The following EME2 variants were observed in gnomAD, a reference collection of about 807,000 sequenced individuals.
EME2 encodes the protein essential meiotic structure-specific endonuclease subunit 2.
Under a neutral mutation model 41.9 loss-of-function variants are expected in EME2, and 58 were observed. The observed-to-expected ratio is 1.38, with a 90% CI of 1.12 to 1.72. EME2 has a LOEUF of 1.72. EME2 is among the 40% of genes most tolerant of loss of function. EME2 has a pLI of 0.00. For synonymous variants in EME2, 334 were observed against 239.3 expected (o/e 1.40, Z -3.65); for missense variants, 695 against 541.9 (o/e 1.28, Z -2.81).
intron 3 of EME2, 104 bp from the exon 4 acceptor site, chr16:1,774,937 T>A: frequency 1.1e-6 from 1 of 893,564 alleles, no homozygotes; most frequent in Non-Finnish European, 1.8e-6. Flanking sequence ...CACCACTGGC[T>A]CTTTTTCAGG....
chr16:1,781,500 A>G lies in EME2; in HGVS notation c.*5262A>G, dbSNP rs772495491. ...TCTGGCCATGGTGGAAAGAATCTAG[A>G]AGAAAACACAGGCTCTGGGCAAAGG... On this transcript the variant is annotated 3_prime_UTR_variant, in exon 8 of 8. Coordinates refer to ENST00000568449, the MANE Select transcript of EME2 (RefSeq NM_001257370.2). 2 of 1,610,474 alleles carry G rather than the reference A, an allele frequency of 1.2e-6. No individual in the cohort carries two copies. The highest frequency in any genetic ancestry group is 1.1e-5 in the South Asian group (1 of 90,964).
In EME2 at chr16:1,776,049, T is replaced by A; in HGVS notation, c.970-19T>A. ...AGCCCCGTCCCCAGGCGCCCTCTCA[T>A]GCCTTTGCCTGCTCCTAGGCGCTGG... On this transcript the variant is annotated intron_variant, in intron 7 of 7. Coordinates refer to ENST00000568449, the MANE Select transcript of EME2 (RefSeq NM_001257370.2). 1 of 1,605,984 alleles carries A rather than the reference T, an allele frequency of 6.2e-7. No homozygotes were observed. The highest frequency in any genetic ancestry group is 8.5e-7 in the Non-Finnish European group (1 of 1,176,934).
At position 1,773,009 on chromosome 16, in the gene EME2, G is replaced by A; in HGVS notation, c.-219G>A. Reference sequence around the variant, plus strand: ...AGAACGGCCGCGTCAAGGTCTCGTAGTCCACCGCGTAGAGCTGGGAGTCGC... The same window carrying A: ...AGAACGGCCGCGTCAAGGTCTCGTAATCCACCGCGTAGAGCTGGGAGTCGC... On this transcript the variant is annotated 5_prime_UTR_variant, in exon 1 of 8. Coordinates refer to ENST00000568449, the MANE Select transcript of EME2 (RefSeq NM_001257370.2). 3 of 1,457,962 alleles carry A rather than the reference G, an allele frequency of 2.1e-6. No homozygotes were observed. Among genetic ancestry groups the A allele is most frequent in the Middle Eastern group, 1.8e-4 (1 of 5,624 alleles). The allele number at this position is 1,457,962 out of a possible 1,614,324, so 90.3% of individuals were successfully genotyped here.
Position 1,778,650 on chromosome 16 carries a change from G to A in EME2, c.*2412G>A, listed in dbSNP as rs201852854. 6.8e-5 allele frequency: 104 copies of A among 1,519,088 alleles called. No homozygotes were observed. In the East Asian group the frequency reaches 7.7e-4, roughly 11 times the overall value. The allele number at this position is 1,519,088 out of a possible 1,614,324, so 94.1% of individuals were successfully genotyped here. ...GGCCGGCTGTTACTACCTGTTGCCC[G>A]CTCTCTACCCTCTCACCCTTGCCCT... is the stretch of plus-strand genomic sequence containing the variant. On this transcript the variant is annotated 3_prime_UTR_variant, in exon 8 of 8. Transcript: ENST00000568449.
chr16:1,774,463 G>A (rs1465068041), intron 3 of EME2, 111 bp downstream of exon 3: 15 of 875,482 alleles, frequency 1.7e-5, no homozygotes, highest in Non-Finnish European at 2.4e-5. Context: ...GAGGGGGCAT[G>A]GGGCAGGCCA....
Position 1,777,235 on chromosome 16 carries a change from G to T in EME2, c.*997G>T. On this transcript the variant is annotated 3_prime_UTR_variant, in exon 8 of 8. Transcript: ENST00000568449. Reference sequence around the variant, plus strand: ...TGCTCAGGACCCAGCCCAGCTTGTTGTGTAGCACCTGCTTGAGGCCCGGCG... The same window carrying T: ...TGCTCAGGACCCAGCCCAGCTTGTTTTGTAGCACCTGCTTGAGGCCCGGCG... 6.2e-7 allele frequency: 1 copy of T among 1,610,824 alleles called. No homozygotes were observed. The highest frequency in any genetic ancestry group is 1.1e-5 in the South Asian group (1 of 91,084).
chr16:1,774,652 G>A (rs796997940), intron 3 of EME2, among the ~76,000 whole-genome samples: 42 of 152,374 alleles, frequency 2.8e-4, no homozygotes, highest in African/African-American at 8.4e-4. Flanking sequence ...CCCTGCCTGC[G>A]GGGAGCAGTG....
intron 4 of EME2, 48 bp from the exon 5 acceptor site, chr16:1,775,267 C>G (rs777608031): frequency 6.2e-7 from 1 of 1,602,750 alleles, no homozygotes; most frequent in Non-Finnish European, 8.5e-7. Context: ...CAAGCTCGGG[C>G]AGGGCAGGCC....
rs769550829 is a variant in EME2, at chr16:1,778,346, CA to C, written c.*2109del. 1.2e-6 allele frequency: 2 copies of C among 1,611,318 alleles called. No homozygotes were observed. Among genetic ancestry groups the C allele is most frequent in the Non-Finnish European group, 1.7e-6 (2 of 1,179,822 alleles). On this transcript the variant is annotated 3_prime_UTR_variant, in exon 8 of 8. Coordinates refer to ENST00000568449, the MANE Select transcript of EME2 (RefSeq NM_001257370.2). Reference sequence around the variant, plus strand: ...TCTGCAAGAGAGGCCCAGGCTGGGGCAGCCCTGAGAGCTCCATGGGGCTCTG... The same window carrying C: ...TCTGCAAGAGAGGCCCAGGCTGGGGCGCCCTGAGAGCTCCATGGGGCTCTG...
chr16:1,778,798 C>G lies in EME2; in HGVS notation c.*2560C>G, dbSNP rs2141988885. ...CCTCCCAACGGGCTCCGGCTCTGCC[C>G]CATTCTGCATGACCAGGAGGGCCCT... On this transcript the variant is annotated 3_prime_UTR_variant, in exon 8 of 8. Transcript: ENST00000568449. 1.7e-6 allele frequency: 1 copy of G among 582,288 alleles called. No homozygotes were observed. Among genetic ancestry groups the G allele is most frequent in the East Asian group, 3.2e-5 (1 of 31,744 alleles). 36.1% of individuals were successfully genotyped at this position (582,288 alleles called of 1,614,324 possible).
chr16:1,781,591 T>A lies in EME2; in HGVS notation c.*5353T>A. 7.3e-7 allele frequency: 1 copy of A among 1,367,026 alleles called. No individual in the cohort carries two copies. The highest frequency in any genetic ancestry group is 1.4e-5 in the South Asian group (1 of 72,186). 84.7% of individuals were successfully genotyped at this position (1,367,026 alleles called of 1,614,324 possible). Reference sequence around the variant, plus strand: ...CCACGGACCCACTCAAAGTGGGGACTGCAGGGGCCGCACCGGTGCCCAGCC... The same window carrying A: ...CCACGGACCCACTCAAAGTGGGGACAGCAGGGGCCGCACCGGTGCCCAGCC... On this transcript the variant is annotated 3_prime_UTR_variant, in exon 8 of 8. Transcript: ENST00000568449.
In EME2 at chr16:1,775,764, A is replaced by G. The variant is rs374611176; in HGVS notation, c.780-33A>G. ...CCCCGGCCTTTTGGGAGCTGCTCAC[A>G]TGAGGTTCTAAAAGGCTTCTCTCTG... On this transcript the variant is annotated intron_variant, in intron 6 of 7. Transcript: ENST00000568449. The G allele has an allele frequency of 5.9e-4, 947 of 1,612,470 alleles. 2 individuals carry two copies. The highest frequency in any genetic ancestry group is 3.6e-4 in the Non-Finnish European group (427 of 1,179,610).
At chr16:1,773,626 C>T in intron 1 of EME2, 79 bp from the exon 2 acceptor site, 1 of 1,542,496 alleles carries the variant, frequency 6.5e-7, no homozygotes. Context: ...GGAGACTCCC[C>T]GGTCCGGCCA....
At position 1,775,646 on chromosome 16, in the gene EME2, G is replaced by T. The variant is rs762536698; in HGVS notation, c.741G>T (p.Val247=). ...VASWQELSRH[V]CAVTKALAQY... ...CTTGGCAGGAGCTGAGTCGGCACGT[G>T]TGCGCCGTTACCAAGGCTCTCGCCC... The change falls in exon 6 of 8, where the codon GTG becomes GTT. Residue 247 remains valine, a synonymous_variant. Coordinates refer to ENST00000568449, the MANE Select transcript of EME2 (RefSeq NM_001257370.2). 2 of 1,612,932 alleles carry T rather than the reference G, an allele frequency of 1.2e-6. No individual in the cohort carries two copies. Among genetic ancestry groups the T allele is most frequent in the Non-Finnish European group, 1.7e-6 (2 of 1,180,028 alleles).
At position 1,777,281 on chromosome 16, in the gene EME2, G is replaced by C. The variant is rs750822414; in HGVS notation, c.*1043G>C. 5 of 1,610,304 alleles carry C rather than the reference G, an allele frequency of 3.1e-6. No individual in the cohort carries two copies. The highest frequency in any genetic ancestry group is 3.4e-6 in the Non-Finnish European group (4 of 1,179,834). On this transcript the variant is annotated 3_prime_UTR_variant, in exon 8 of 8. Transcript: ENST00000568449. The stretch of plus-strand genomic sequence containing the variant: ...CGGCGGCAGCGGCAGACCCTCCAGC[G>C]TGTCTCCCGAGTCTGGCCGCAGCTG...
chr16:1,773,082 T>C lies in EME2; in HGVS notation c.-146T>C. 1 of 1,411,306 alleles carries C rather than the reference T, an allele frequency of 7.1e-7. No homozygotes were observed. Among genetic ancestry groups the C allele is most frequent in the Non-Finnish European group, 9.2e-7 (1 of 1,086,496 alleles). The allele number at this position is 1,411,306 out of a possible 1,614,324, so 87.4% of individuals were successfully genotyped here. On this transcript the variant is annotated 5_prime_UTR_variant, in exon 1 of 8. Coordinates refer to ENST00000568449, the MANE Select transcript of EME2 (RefSeq NM_001257370.2). ...CAGGGCGCGCACGCGGCGGGCCAGC[T>C]CCGCGATCAGCCGCGGACGCACCTT...
In EME2 at chr16:1,778,642, T is replaced by A. The variant is rs2042750615; in HGVS notation, c.*2404T>A. 6.6e-7 allele frequency: 1 copy of A among 1,523,960 alleles called. No individual in the cohort carries two copies. The highest frequency in any genetic ancestry group is 8.8e-7 in the Non-Finnish European group (1 of 1,136,938). 94.4% of individuals were successfully genotyped at this position (1,523,960 alleles called of 1,614,324 possible). A position where few individuals can be genotyped will look rare whatever the true frequency, so the allele number is the denominator to read the frequency against. ...GAGAGAAGGGCCGGCTGTTACTACCTGTTGCCCGCTCTCTACCCTCTCACC... is the reference window on the plus strand; with the variant it reads ...GAGAGAAGGGCCGGCTGTTACTACCAGTTGCCCGCTCTCTACCCTCTCACC... On this transcript the variant is annotated 3_prime_UTR_variant, in exon 8 of 8. Coordinates refer to ENST00000568449, the MANE Select transcript of EME2 (RefSeq NM_001257370.2).
In EME2 at chr16:1,776,253, A is replaced by G; in HGVS notation, c.*15A>G. On this transcript the variant is annotated 3_prime_UTR_variant, in exon 8 of 8. Transcript: ENST00000568449. ...TGGGCTCCTGACCACACGTGGGACC[A>G]CCAGGACAGCATGCAGCCTTGGGGA... The G allele has an allele frequency of 6.2e-7, 1 of 1,611,488 alleles. No individual in the cohort carries two copies. The highest frequency in any genetic ancestry group is 8.5e-7 in the Non-Finnish European group (1 of 1,179,344).
In EME2 at chr16:1,778,357, G is replaced by A. The variant is rs1345186459; in HGVS notation, c.*2119G>A. Reference sequence around the variant, plus strand: ...GGCCCAGGCTGGGGCAGCCCTGAGAGCTCCATGGGGCTCTGCCCTGCCCAC... The same window carrying A: ...GGCCCAGGCTGGGGCAGCCCTGAGAACTCCATGGGGCTCTGCCCTGCCCAC... On this transcript the variant is annotated 3_prime_UTR_variant, in exon 8 of 8. Transcript: ENST00000568449. The A allele has an allele frequency of 6.2e-7, 1 of 1,610,480 alleles. No individual in the cohort carries two copies.
Sources: gnomAD v4.1 joint callset for allele counts (sites outside exome capture counted in the v4.1 genomes callset) on GRCh38, gnomAD v4.1.1 for gene constraint, MANE v1.5 for transcripts, NCBI Gene and HGNC (gene_info 2026-07-23, HGNC 2026-07-21) for gene names.